Variants in DOK6 observed in about 807,000 individuals in gnomAD.
The protein encoded by DOK6 is downstream of tyrosine kinase 6.
Under a neutral mutation model 44.0 loss-of-function variants are expected in DOK6, and 22 were observed. The observed-to-expected ratio is 0.50, with a 90% confidence interval of 0.36 to 0.71. DOK6 has a LOEUF of 0.71. DOK6 is among the 30% of genes least tolerant of loss of function. DOK6 has a pLI of 0.00. For synonymous variants in DOK6, 166 were observed against 145.5 expected, an observed-to-expected ratio of 1.14 and a Z score of -1.01; for missense variants, 340 against 416.4, an observed-to-expected ratio of 0.82 and a Z score of 1.60.
intron 4 of DOK6, among the ~76,000 whole-genome samples, chr18:69,694,380 T>TA (rs1334404384): frequency 1.3e-5 from 2 of 151,654 alleles, no homozygotes; most frequent in Admixed American, 1.3e-4. Context: ...GATGCCCTTG[T>TA]AAACATAATT....
intron 3 of DOK6, among the ~76,000 whole-genome samples, chr18:69,650,552 A>G (rs1985197301): frequency 6.6e-6 from 1 of 152,290 alleles, no homozygotes; most frequent in Middle Eastern, 3.4e-3. Flanking sequence ...AATTATGTTA[A>G]TTTTCCAACT....
intron 1 of DOK6, among the ~76,000 whole-genome samples, chr18:69,454,938 T>G: frequency 7.7e-6 from 1 of 129,286 alleles, no homozygotes; most frequent in Admixed American, 7.7e-5. Flanking sequence ...AGGGATAGCA[T>G]TGGGAGATAT....
intron 3 of DOK6, among the ~76,000 whole-genome samples, chr18:69,606,316 AT>A (rs1320795432): frequency 1.3e-5 from 2 of 148,630 alleles, no homozygotes; most frequent in African/African-American, 2.4e-5. Context: ...AAATAAATAA[AT>A]AAATAAATAA....
intron 1 of DOK6, among the ~76,000 whole-genome samples, chr18:69,494,095 A>G (rs1051930766): frequency 5.9e-5 from 9 of 152,230 alleles, no homozygotes; most frequent in Non-Finnish European, 8.8e-5. Flanking sequence ...CAAATTTGGC[A>G]AATATAAAAG....
intron 1 of DOK6, among the ~76,000 whole-genome samples, chr18:69,503,775 C>T (rs1981110058): frequency 6.6e-6 from 1 of 151,742 alleles, no homozygotes; most frequent in South Asian, 2.1e-4. Flanking sequence ...TATTATTTGA[C>T]ATATGTGTCA....
At chr18:69,727,974 C>A (rs549000237) in intron 5 of DOK6, among the ~76,000 whole-genome samples, 2 of 152,142 alleles carry the variant, frequency 1.3e-5, no homozygotes, top group Non-Finnish European at 1.5e-5. Flanking sequence ...TAAAAGGAAC[C>A]CCAGATTCAA....
chr18:69,818,881 C>T (rs1325880324), intron 7 of DOK6, among the ~76,000 whole-genome samples: 3 of 152,184 alleles, frequency 2.0e-5, no homozygotes, highest in South Asian at 2.1e-4. Flanking sequence ...CCAATAGTCA[C>T]ACAAGCCTCC....
chr18:69,442,305 A>G (rs1266313097), intron 1 of DOK6, among the ~76,000 whole-genome samples: 1 of 152,180 alleles, frequency 6.6e-6, no homozygotes, highest in African/African-American at 2.4e-5. Flanking sequence ...GGACATACCC[A>G]AGACTGAGTA....
intron 1 of DOK6, among the ~76,000 whole-genome samples, chr18:69,510,834 C>A (rs1482693627): frequency 1.3e-5 from 2 of 152,070 alleles, no homozygotes; most frequent in Non-Finnish European, 2.9e-5. Flanking sequence ...TTTATTTTTG[C>A]TCATTTCCTC....
At chr18:69,490,994 C>T (rs1003187617) in intron 1 of DOK6, among the ~76,000 whole-genome samples, 3 of 152,116 alleles carry the variant, frequency 2.0e-5, no homozygotes, top group East Asian at 3.9e-4. Context: ...CTGCCGGCAG[C>T]GGAGGAGCAG....
At chr18:69,562,887 T>C (rs1224189862) in intron 1 of DOK6, among the ~76,000 whole-genome samples, 1 of 152,172 alleles carries the variant, frequency 6.6e-6, no homozygotes, top group Non-Finnish European at 1.5e-5. Context: ...GAGAAAATTT[T>C]TGAAATCTAC....
At chr18:69,460,578 A>G (rs1486404651) in intron 1 of DOK6, among the ~76,000 whole-genome samples, 1 of 152,190 alleles carries the variant, frequency 6.6e-6, no homozygotes, top group East Asian at 1.9e-4. Flanking sequence ...CCAAAATAGT[A>G]ATTAAATATT....
At chr18:69,596,950 C>T (rs554858719) in intron 2 of DOK6, among the ~76,000 whole-genome samples, 1 of 151,660 alleles carries the variant, frequency 6.6e-6, no homozygotes, top group African/African-American at 2.4e-5. Flanking sequence ...CAGATAGTAA[C>T]TCAAGTCAAT....
chr18:69,612,886 T>TC (rs1280992853), intron 3 of DOK6, among the ~76,000 whole-genome samples: 1 of 151,970 alleles, frequency 6.6e-6, no homozygotes, highest in Non-Finnish European at 1.5e-5. Flanking sequence ...TTTCTTTCTT[T>TC]TTTTTTGCCT....
intron 3 of DOK6, among the ~76,000 whole-genome samples, chr18:69,604,854 C>G (rs1378737322): frequency 6.6e-6 from 1 of 152,066 alleles, no homozygotes; most frequent in East Asian, 1.9e-4. Flanking sequence ...CAAGCAATAA[C>G]AAGAAATCCA....
intron 4 of DOK6, among the ~76,000 whole-genome samples, chr18:69,689,324 A>G (rs1247976543): frequency 6.6e-6 from 1 of 152,234 alleles, no homozygotes; most frequent in Admixed American, 6.5e-5. Context: ...ATTTCACAAT[A>G]TAGTTCACTC....
chr18:69,727,658 G>T (rs1028767786), intron 5 of DOK6, among the ~76,000 whole-genome samples: 1 of 152,142 alleles, frequency 6.6e-6, no homozygotes, highest in African/African-American at 2.4e-5. Flanking sequence ...GAAAACCTTT[G>T]CCAATTAATT....
chr18:69,720,186 C>A (rs563181948), intron 5 of DOK6, among the ~76,000 whole-genome samples: 3 of 149,710 alleles, frequency 2.0e-5, no homozygotes, highest in African/African-American at 7.4e-5. Context: ...GAGACTGACT[C>A]AAAAAAAAAA....
At chr18:69,812,154 C>T (rs1274654920) in intron 7 of DOK6, among the ~76,000 whole-genome samples, 1 of 152,004 alleles carries the variant, frequency 6.6e-6, no homozygotes, top group Non-Finnish European at 1.5e-5. Flanking sequence ...GGAAAATTAA[C>T]CACAGAGGGT....
Sources: gnomAD v4.1 joint callset for allele counts (sites outside exome capture counted in the v4.1 genomes callset) on GRCh38, gnomAD v4.1.1 for gene constraint, MANE v1.5 for transcripts, NCBI Gene and HGNC (gene_info 2026-07-23, HGNC 2026-07-21) for gene names.